Variants in HACE1 observed in about 807,000 individuals in gnomAD.
HACE1 encodes E3 ubiquitin-protein ligase HACE1.
HACE1 carries 73 observed loss-of-function variants against 118.4 expected under a neutral mutation model. The ratio of observed to expected loss-of-function variants is 0.62; its 90% CI spans 0.51 to 0.75. The LOEUF (loss-of-function observed/expected upper bound fraction) is 0.75, where lower values mean the gene tolerates loss of function less well. Ranked by LOEUF, HACE1 falls within the 30% of genes least tolerant of loss-of-function variation. The pLI is 0.00. For missense variants in HACE1, 749 were observed against 1,102.2 expected, an observed-to-expected ratio of 0.68 and a Z score of 4.54; for synonymous variants, 368 against 374.8, an observed-to-expected ratio of 0.98 and a Z score of 0.21.
chr6:104,759,863 G>T (rs1336001026), intron 19 of HACE1, among the ~76,000 whole-genome samples: 1 of 151,966 alleles, frequency 6.6e-6, no homozygotes, highest in Non-Finnish European at 1.5e-5. Context: ...ATTATAAAGG[G>T]GATATCACCA....
chr6:104,854,593 G>C (rs1234645901), intron 1 of HACE1, among the ~76,000 whole-genome samples: 13 of 151,702 alleles, frequency 8.6e-5, no homozygotes, highest in Non-Finnish European at 1.9e-4. Flanking sequence ...TCCTTATCTG[G>C]ATAGTGATTC....
At chr6:104,774,080 CTTTTTTTT>C (rs540039211) in intron 17 of HACE1, among the ~76,000 whole-genome samples, 16 of 74,852 alleles carry the variant, frequency 2.1e-4, no homozygotes, top group African/African-American at 1.2e-3. Flanking sequence ...CATCTTTTCT[CTTTTTTTT>C]TTTTTTTTTT....
At chr6:104,771,699 A>G (rs1489957360) in intron 18 of HACE1, among the ~76,000 whole-genome samples, 1 of 149,390 alleles carries the variant, frequency 6.7e-6, no homozygotes, top group Non-Finnish European at 1.5e-5. Context: ...TACACACACA[A>G]AAATTGAAAA....
chr6:104,785,404 T>TG (rs1782276665), intron 11 of HACE1, 85 bp from the exon 12 acceptor site: 1 of 790,244 alleles, frequency 1.3e-6, no homozygotes, highest in Non-Finnish European at 2.1e-6. Flanking sequence ...TAGACAAATA[T>TG]TATAGAAGAG....
At chr6:104,792,944 A>G (rs1359217132) in intron 10 of HACE1, among the ~76,000 whole-genome samples, 2 of 152,110 alleles carry the variant, frequency 1.3e-5, no homozygotes, top group African/African-American at 2.4e-5. Flanking sequence ...AGAAGCACGG[A>G]GCTCTCTTCT....
intron 19 of HACE1, among the ~76,000 whole-genome samples, chr6:104,761,247 C>A (rs1404520882): frequency 6.6e-6 from 1 of 152,146 alleles, no homozygotes; most frequent in Non-Finnish European, 1.5e-5. Context: ...CCATGACAAT[C>A]CTGGGCAAGA....
At chr6:104,811,123 C>T (rs554751379) in intron 7 of HACE1, among the ~76,000 whole-genome samples, 188 bp downstream of exon 7, 16 of 151,540 alleles carry the variant, frequency 1.1e-4, no homozygotes, top group African/African-American at 3.4e-4. Context: ...AGAGATTGTA[C>T]TTCCTCTTAA....
chr6:104,854,077 T>G (rs1024181877), intron 1 of HACE1, among the ~76,000 whole-genome samples: 1 of 152,160 alleles, frequency 6.6e-6, no homozygotes, highest in Admixed American at 6.5e-5. Context: ...AAGCTGCAGA[T>G]GAGGGTGGAC....
chr6:104,798,080 AAAAG>A (rs1045521220), intron 7 of HACE1, among the ~76,000 whole-genome samples: 9 of 151,656 alleles, frequency 5.9e-5, no homozygotes, highest in South Asian at 2.1e-4. Context: ...AAAAAAAAAA[AAAAG>A]AAAGAAAGAA....
intron 5 of HACE1, among the ~76,000 whole-genome samples, chr6:104,840,885 C>A (rs886594948): frequency 6.6e-6 from 1 of 152,186 alleles, no homozygotes; most frequent in South Asian, 2.1e-4. Context: ...ATTGCTTGAA[C>A]CCGGTAAGTG....
rs1175725208 is a variant in HACE1 at position 104,776,993 on chromosome 6, T to A, written c.1776+20A>T. On this transcript the variant is annotated intron_variant, in intron 16 of 23. Transcript: ENST00000262903. ...TTCTTTACATACAGTGATTTCTACA[T>A]CATCTTCTTTTATACCCACCATGCC... 2 of 1,494,564 alleles carry A rather than the reference T, an allele frequency of 1.3e-6. No homozygotes were observed. Among genetic ancestry groups the A allele is most frequent in the East Asian group, 2.3e-5 (1 of 44,360 alleles). 92.6% of individuals were successfully genotyped at this position (1,494,564 alleles called of 1,614,324 possible).
chr6:104,842,069 C>A (rs1775166676), intron 5 of HACE1, among the ~76,000 whole-genome samples: 1 of 152,138 alleles, frequency 6.6e-6, no homozygotes, highest in African/African-American at 2.4e-5. Context: ...CTTTGGGATG[C>A]AGAAGTGAAA....
chr6:104,849,742 G>A (rs562016748), intron 3 of HACE1, among the ~76,000 whole-genome samples: 16 of 150,692 alleles, frequency 1.1e-4, no homozygotes, highest in African/African-American at 2.9e-4. Context: ...TCCGCCTCCC[G>A]GGTTCACGCC....
chr6:104,752,532 T>C (rs1297293753), intron 19 of HACE1, among the ~76,000 whole-genome samples: 2 of 152,016 alleles, frequency 1.3e-5, no homozygotes, highest in Non-Finnish European at 2.9e-5. Context: ...AAAGAGACTT[T>C]TTCCCAAGAG....
chr6:104,750,291 AG>A (rs765667457), intron 20 of HACE1, 49 bp downstream of exon 20: 2 of 1,481,788 alleles, frequency 1.3e-6, no homozygotes, highest in African/African-American at 2.8e-5. Context: ...TACATCAACT[AG>A]AGTTTTTTGT....
At chr6:104,767,975 A>T (rs1780189640) in intron 19 of HACE1, among the ~76,000 whole-genome samples, 1 of 152,192 alleles carries the variant, frequency 6.6e-6, no homozygotes, top group Non-Finnish European at 1.5e-5. Context: ...AAACCCCTAC[A>T]GCTTCAATTC....
chr6:104,803,900 A>G (rs1770689326), intron 7 of HACE1, among the ~76,000 whole-genome samples: 1 of 152,192 alleles, frequency 6.6e-6, no homozygotes, highest in Admixed American at 6.5e-5. Flanking sequence ...ACAGTATTCA[A>G]TTAGGAAAAG....
intron 5 of HACE1, 120 bp downstream of exon 5, chr6:104,843,101 ACT>A: frequency 4.2e-6 from 3 of 721,262 alleles, no homozygotes; most frequent in Non-Finnish European, 7.6e-6. Context: ...ACAGAGCGAG[ACT>A]CTGTCTCAAA....
intron 22 of HACE1, among the ~76,000 whole-genome samples, chr6:104,736,409 T>C (rs977498022): frequency 1.3e-5 from 2 of 152,022 alleles, no homozygotes; most frequent in Non-Finnish European, 2.9e-5. Flanking sequence ...CTCAGAACCC[T>C]GAGTAGCTGG....
Sources: allele counts gnomAD v4.1 joint callset (sites outside exome capture counted in the v4.1 genomes callset), GRCh38; gene constraint gnomAD v4.1.1; transcripts MANE v1.5; gene names NCBI Gene and HGNC (gene_info 2026-07-23, HGNC 2026-07-21).